Variants in PRRC2B observed in about 807,000 individuals in gnomAD.
PRRC2B encodes the protein proline rich coiled-coil 2B, also known as protein PRRC2B.
In PRRC2B, 68 loss-of-function variants were observed where a neutral mutation model predicts 242.3. The ratio of observed to expected loss-of-function variants is 0.28; its 90% CI spans 0.23 to 0.34. PRRC2B has a LOEUF of 0.34. Ranked by LOEUF, PRRC2B falls within the 10% of genes least tolerant of loss-of-function variation. The probability of loss-of-function intolerance (pLI) is 1.00; values close to 1 mark genes in which losing one functional copy is unlikely to be tolerated. For missense variants in PRRC2B, 2,835 were observed against 2,954.8 expected, an observed-to-expected ratio of 0.96 and a Z score of 0.94; for synonymous variants, 1,228 against 1,173.6, an observed-to-expected ratio of 1.05 and a Z score of -0.95.
At chr9:131,478,642 G>GGGGGGGGGGCC in intron 18 of PRRC2B, 23 bp downstream of exon 18, 1 of 482,038 alleles carries the variant, frequency 2.1e-6, no homozygotes. Context: ...GGGTGGGGGG[G>GGGGGGGGGGCC]CATGGGGCTG....
At chr9:131,471,041 A>T in intron 14 of PRRC2B, 58 bp downstream of exon 14, 1 of 1,299,006 alleles carries the variant, frequency 7.7e-7, no homozygotes, top group Non-Finnish European at 1.1e-6. Flanking sequence ...GTGGTGGTCA[A>T]GGGTGTCCTC....
chr9:131,485,430 A>G (rs2131468797), intron 25 of PRRC2B, among the ~76,000 whole-genome samples: 1 of 152,278 alleles, frequency 6.6e-6, no homozygotes, highest in South Asian at 2.1e-4. Flanking sequence ...CATGTGCTGG[A>G]GCCGTGTCGC....
chr9:131,488,187 G>A (rs1944080481), intron 28 of PRRC2B, 91 bp downstream of exon 28: 2 of 1,480,190 alleles, frequency 1.4e-6, no homozygotes, highest in Admixed American at 2.2e-5. Flanking sequence ...GTGTGTGCTG[G>A]CCTATCGTGC....
rs758796318 is a variant in PRRC2B, at chr9:131,477,737, C to T, written c.4407-7C>T. On this transcript the variant is annotated splice_region_variant and splice_polypyrimidine_tract_variant and intron_variant, in intron 16 of 31. Coordinates refer to ENST00000683519, the MANE Select transcript of PRRC2B (RefSeq NM_013318.4). ...CTCTGGTTAACAAGATCCTCTTTCC[C>T]TTACAGATCCCCAGACGAGGCCTTG... 2.5e-6 allele frequency: 4 copies of T among 1,579,186 alleles called. No individual in the cohort carries two copies. Among genetic ancestry groups the T allele is most frequent in the South Asian group, 1.1e-5 (1 of 90,102 alleles).
At chr9:131,493,544 A>G (rs967729948) in intron 30 of PRRC2B, among the ~76,000 whole-genome samples, 48 of 152,228 alleles carry the variant, frequency 3.2e-4, no homozygotes, top group African/African-American at 1.1e-3. Flanking sequence ...GTGTCTATGT[A>G]GTTGTAGGAA....
chr9:131,426,032 T>G (rs966432180), intron 1 of PRRC2B, among the ~76,000 whole-genome samples: 1 of 150,618 alleles, frequency 6.6e-6, no homozygotes, highest in African/African-American at 2.4e-5. Flanking sequence ...AAAATCACAT[T>G]TGATTTAAGA....
At position 131,482,757 on chromosome 9, in the gene PRRC2B, C is replaced by G. The variant is rs762101389; in HGVS notation, c.5223C>G (p.Pro1741=). ...SGQSKEHRPG[P]IGNERSLKNR... The stretch of plus-strand genomic sequence containing the variant: ...AGAGCAAGGAGCACAGACCAGGACC[C>G]ATCGGCAACGAGCGTTCTCTGAAAA... The change falls in exon 22 of 32, where the codon CCC becomes CCG. Residue 1741 remains proline (P), a synonymous_variant. Coordinates refer to ENST00000683519, the MANE Select transcript of PRRC2B (RefSeq NM_013318.4). This position sits in a 1 kb window ranked among gnomAD's most constrained non-coding sequence, Gnocchi z 5.2. The G allele has an allele frequency of 2.2e-5, 35 of 1,611,854 alleles. No individual in the cohort carries two copies. The highest frequency in any genetic ancestry group is 2.9e-5 in the Non-Finnish European group (34 of 1,178,954).
chr9:131,481,778 C>T lies in PRRC2B; in HGVS notation c.4953C>T (p.Ala1651=). Residue 1651 remains alanine (A), a synonymous_variant, in exon 20 of 32, where the codon GCC becomes GCT. Transcript: ENST00000683519. ...ACTCCTGGAGGAAAGCTGTCACTGC[C>T]TTCAGCAGCACCGAGACTGGCTCTG... ...ANDSWRKAVT[A]FSSTETGSAE... 6.4e-7 allele frequency: 1 copy of T among 1,564,444 alleles called. No individual in the cohort carries two copies. The highest frequency in any genetic ancestry group is 8.7e-7 in the Non-Finnish European group (1 of 1,155,966).
intron 1 of PRRC2B, among the ~76,000 whole-genome samples, chr9:131,378,586 C>T (rs896807680): frequency 6.6e-6 from 1 of 152,174 alleles, no homozygotes; most frequent in African/African-American, 2.4e-5. Context: ...CCATCCCAGC[C>T]CTGGGAGGGT....
chr9:131,486,618 T>A (rs1944032241), intron 26 of PRRC2B: 3 of 859,322 alleles, frequency 3.5e-6, no homozygotes, highest in Non-Finnish European at 4.2e-6. Context: ...GGGTGATTTT[T>A]GGAAGTCTCC....
intron 1 of PRRC2B, among the ~76,000 whole-genome samples, chr9:131,416,309 A>G (rs959207438): frequency 7.9e-5 from 12 of 152,104 alleles, no homozygotes; most frequent in Admixed American, 2.0e-4. Flanking sequence ...GGGTTTCACT[A>G]TATTGGCCAG....
rs551181062 is a variant in PRRC2B at position 131,421,947 on chromosome 9, CTGCAGCCTGGTGGCGTCCAG to C, written c.-51-8136_-51-8117del. Among the ~76,000 whole-genome samples the C allele has an allele frequency of 1.1e-3, 161 of 152,390 alleles. 3 individuals carry two copies. In the East Asian group the frequency reaches 0.023, roughly 22 times the overall value. On this transcript the variant is annotated intron_variant, in intron 1 of 31. Coordinates refer to ENST00000683519, the MANE Select transcript of PRRC2B (RefSeq NM_013318.4). ...GATTCCAGGTCGTGGGGCATTCAGTCTGCAGCCTGGTGGCGTCCAGTGCAGCCTGGGCTCCAAGCCTGGCC... is the reference window on the plus strand; with the variant it reads ...GATTCCAGGTCGTGGGGCATTCAGTCTGCAGCCTGGGCTCCAAGCCTGGCC...
intron 1 of PRRC2B, among the ~76,000 whole-genome samples, chr9:131,406,032 C>T (rs953210278): frequency 7.9e-5 from 12 of 152,188 alleles, no homozygotes; most frequent in African/African-American, 2.7e-4. Context: ...GGGCACCTGG[C>T]ACAAGACAGC....
intron 14 of PRRC2B, among the ~76,000 whole-genome samples, chr9:131,471,421 TATC>T (rs1193336255): frequency 6.6e-6 from 1 of 152,216 alleles, no homozygotes; most frequent in Non-Finnish European, 1.5e-5. Flanking sequence ...TTTAAAATAT[TATC>T]ATATACTTAG....
chr9:131,417,526 G>C (rs1343480047), intron 1 of PRRC2B, among the ~76,000 whole-genome samples: 1 of 152,114 alleles, frequency 6.6e-6, no homozygotes, highest in Non-Finnish European at 1.5e-5. Context: ...TGAGCCTTCT[G>C]ATATCCTGGG....
At chr9:131,425,227 C>G (rs1322013385) in intron 1 of PRRC2B, among the ~76,000 whole-genome samples, 1 of 152,122 alleles carries the variant, frequency 6.6e-6, no homozygotes, top group Non-Finnish European at 1.5e-5. Flanking sequence ...CTCAGGTGAT[C>G]CTCTCGCCTC....
chr9:131,374,899 G>C (rs1047590948), intron 1 of PRRC2B, among the ~76,000 whole-genome samples: 3 of 152,006 alleles, frequency 2.0e-5, no homozygotes, highest in African/African-American at 7.2e-5. Flanking sequence ...CAGGGGACCA[G>C]CTTGCACCCT....
intron 9 of PRRC2B, among the ~76,000 whole-genome samples, chr9:131,450,341 C>T (rs887200240): frequency 2.0e-5 from 3 of 151,426 alleles, no homozygotes; most frequent in South Asian, 2.1e-4. Flanking sequence ...GATCTCGACT[C>T]ATTGCAACCT....
chr9:131,406,195 T>C (rs901432843), intron 1 of PRRC2B, among the ~76,000 whole-genome samples: 2 of 152,212 alleles, frequency 1.3e-5, no homozygotes, highest in Admixed American at 1.3e-4. Context: ...CTGTGCTACA[T>C]GCTAAAGATT....
Sources: gnomAD v4.1 joint callset for allele counts (sites outside exome capture counted in the v4.1 genomes callset) on GRCh38, gnomAD v4.1.1 for gene constraint, Gnocchi (gnomAD v3.1) non-coding constraint, MANE v1.5 for transcripts, NCBI Gene and HGNC (gene_info 2026-07-23, HGNC 2026-07-21) for gene names.